Variants in ZNF92 observed in about 807,000 individuals in gnomAD.
ZNF92 encodes the protein zinc finger protein 92, also known as epididymis luminal protein 203.
Under a neutral mutation model 12.4 loss-of-function variants are expected in ZNF92, and 11 were observed. The observed-to-expected ratio is 0.89, with a 90% CI of 0.56 to 1.47. ZNF92 has a LOEUF of 1.47. ZNF92 is among the 40% of genes most tolerant of loss of function. The probability of loss-of-function intolerance (pLI) is 0.00; values close to 1 mark genes in which losing one functional copy is unlikely to be tolerated. For synonymous variants in ZNF92, 206 were observed against 228.6 expected (o/e 0.90, Z 0.89); for missense variants, 622 against 681.0 (o/e 0.91, Z 0.96).
chr7:65,394,801 G>A (rs1584289313), intron 3 of ZNF92, among the ~76,000 whole-genome samples: 1 of 151,778 alleles, frequency 6.6e-6, no homozygotes, highest in Non-Finnish European at 1.5e-5. Flanking sequence ...CTGACTCCAC[G>A]CCCAGCTAAT....
intron 1 of ZNF92, among the ~76,000 whole-genome samples, chr7:65,382,431 T>C (rs1793446216): frequency 6.6e-6 from 1 of 152,074 alleles, no homozygotes; most frequent in Non-Finnish European, 1.5e-5. Context: ...TGGGCCTTTT[T>C]GTCTCAGGCT....
At chr7:65,397,792 C>T (rs1793880818) in intron 3 of ZNF92, among the ~76,000 whole-genome samples, 1 of 150,960 alleles carries the variant, frequency 6.6e-6, no homozygotes, top group Non-Finnish European at 1.5e-5. Flanking sequence ...AGTTGCTACA[C>T]GTGTTCGCTG....
Position 65,398,592 on chromosome 7 carries a change from G to A in ZNF92, c.478G>A (p.Val160Ile), listed in dbSNP as rs762524678. Residue 160 changes from valine (V) to isoleucine (I), a missense_variant, in exon 4 of 4, where the codon GTA becomes ATA. Physicochemically the swap from Val to Ile is conservative, Grantham distance 29. Coordinates refer to ENST00000328747, the MANE Select transcript of ZNF92 (RefSeq NM_152626.4). ...GAAAGTCTTTCATAAATTTCCAAAT[G>A]TAAATAGAAATAAGATAAGACATAC... ...YVKVFHKFPN[V>I]NRNKIRHTGK... 5 of 1,607,996 alleles carry A rather than the reference G, an allele frequency of 3.1e-6. No homozygotes were observed.
intron 1 of ZNF92, among the ~76,000 whole-genome samples, chr7:65,387,087 G>C (rs890064987): frequency 3.3e-5 from 5 of 151,402 alleles, no homozygotes; most frequent in African/African-American, 9.7e-5. Flanking sequence ...TTACAGGCAC[G>C]CGCCACCATG....
chr7:65,396,715 A>G (rs1055043741), intron 3 of ZNF92, among the ~76,000 whole-genome samples: 1 of 152,022 alleles, frequency 6.6e-6, no homozygotes, highest in Non-Finnish European at 1.5e-5. Context: ...ATGTCTCACT[A>G]TGTTGCTCAG....
intron 1 of ZNF92, among the ~76,000 whole-genome samples, chr7:65,383,564 G>C (rs978160458): frequency 6.6e-6 from 1 of 152,140 alleles, no homozygotes; most frequent in Admixed American, 6.6e-5. Flanking sequence ...TGTTACGTGA[G>C]AGGTGCCAGG....
intron 1 of ZNF92, among the ~76,000 whole-genome samples, chr7:65,383,525 T>G (rs1254034785): frequency 6.6e-6 from 1 of 151,984 alleles, no homozygotes; most frequent in Non-Finnish European, 1.5e-5. Flanking sequence ...CTATTTGAGC[T>G]TTTCAGATCT....
At chr7:65,383,716 G>T (rs895090463) in intron 1 of ZNF92, among the ~76,000 whole-genome samples, 9 of 151,958 alleles carry the variant, frequency 5.9e-5, no homozygotes. Flanking sequence ...GAGTATTCTT[G>T]TCCTTTCTCT....
chr7:65,387,238 A>G (rs1019927354), intron 1 of ZNF92, among the ~76,000 whole-genome samples: 4 of 150,672 alleles, frequency 2.7e-5, no homozygotes, highest in Non-Finnish European at 5.9e-5. Context: ...CACTGGGCCC[A>G]GCCAGTTATT....
In ZNF92 at chr7:65,398,987, C is replaced by T. The variant is rs776733473; in HGVS notation, c.873C>T (p.Gly291=). ...AACCCTACAAATGTGAAGAATGTGG[C>T]AAGGCCTTTAACCAGTTCTCGATTC... is the stretch of plus-strand genomic sequence containing the variant. ...EEKPYKCEEC[G]KAFNQFSILN... Residue 291 remains glycine, a synonymous_variant, in exon 4 of 4, where the codon GGC becomes GGT. Transcript: ENST00000328747. The T allele has an allele frequency of 8.1e-6, 13 of 1,613,300 alleles. No individual in the cohort carries two copies. Among genetic ancestry groups the T allele is most frequent in the South Asian group, 5.5e-5 (5 of 91,032 alleles).
chr7:65,376,268 A>AT lies in ZNF92; in HGVS notation c.3+2277dup, dbSNP rs200982110. Among the ~76,000 whole-genome samples, 119 of 151,464 alleles carry AT rather than the reference A, an allele frequency of 7.9e-4. 1 individual carries two copies. The East Asian group carries it at 8.2e-3, about 10-fold the overall frequency. On this transcript the variant is annotated intron_variant, in intron 1 of 3. Transcript: ENST00000328747. ...TTCCTGGGTTTGTCACCTTGAAAAT[A>AT]TTTTTTTTTACTTATTTTGACTTTC...
chr7:65,391,010 G>C (rs534771858), intron 3 of ZNF92, among the ~76,000 whole-genome samples: 4 of 152,000 alleles, frequency 2.6e-5, no homozygotes, highest in Admixed American at 6.6e-5. Flanking sequence ...CCAAGAACAG[G>C]AGTCCTTTAG....
rs1476418243 is a variant in ZNF92, at chr7:65,398,469, A to G, written c.355A>G (p.Ser119Gly). Residue 119 changes from serine (S) to glycine (G), a missense_variant, in exon 4 of 4, where the codon AGT becomes GGT. Transcript: ENST00000328747. ...TTTACAGCTAAGAAAAGACCATAAAAGTGTGGATGCATGTAAGGTGTACAA... is the reference window on the plus strand; with the variant it reads ...TTTACAGCTAAGAAAAGACCATAAAGGTGTGGATGCATGTAAGGTGTACAA... ...ENLQLRKDHK[S>G]VDACKVYKGG... 6.2e-7 allele frequency: 1 copy of G among 1,613,298 alleles called. No homozygotes were observed.
At position 65,383,898 on chromosome 7, in the gene ZNF92, T is replaced by C. The variant is rs1406194395; in HGVS notation, c.4-4004T>C. ...CAATCACCTAGGCATCTTTGAAACA[T>C]TTGAGGATGTCCAGAGTAAAACTGT... On this transcript the variant is annotated intron_variant, in intron 1 of 3. Coordinates refer to ENST00000328747, the MANE Select transcript of ZNF92 (RefSeq NM_152626.4). Among the ~76,000 whole-genome samples, 4 of 152,062 alleles carry C rather than the reference T, an allele frequency of 2.6e-5. No homozygotes were observed. In the South Asian group the frequency reaches 8.3e-4, roughly 32 times the overall value.
intron 3 of ZNF92, among the ~76,000 whole-genome samples, chr7:65,390,909 G>T (rs1306226021): frequency 6.6e-6 from 1 of 152,154 alleles, no homozygotes; most frequent in Non-Finnish European, 1.5e-5. Context: ...ACCTTTTCCA[G>T]ACTGTGGCTG....
chr7:65,382,191 G>A (rs572656263), intron 1 of ZNF92, among the ~76,000 whole-genome samples: 4 of 152,004 alleles, frequency 2.6e-5, no homozygotes, highest in Non-Finnish European at 2.9e-5. Flanking sequence ...TTCTACTTAT[G>A]GACTAATTAT....
chr7:65,379,032 G>A (rs997309461), intron 1 of ZNF92, among the ~76,000 whole-genome samples: 5 of 151,404 alleles, frequency 3.3e-5, no homozygotes, highest in Non-Finnish European at 2.9e-5. Flanking sequence ...CTTTTCCCGG[G>A]TTGTATCATT....
At chr7:65,390,757 A>G (rs1793690210) in intron 3 of ZNF92, among the ~76,000 whole-genome samples, 1 of 151,990 alleles carries the variant, frequency 6.6e-6, no homozygotes, top group African/African-American at 2.4e-5. Context: ...TGTAGATATA[A>G]CTGGCCATAA....
intron 1 of ZNF92, among the ~76,000 whole-genome samples, chr7:65,380,756 G>A (rs574520208): frequency 1.3e-5 from 2 of 152,152 alleles, no homozygotes; most frequent in South Asian, 4.1e-4. Context: ...TTTTAGTTTT[G>A]TGAGGAATTG....
Sources: gnomAD v4.1 joint callset for allele counts (sites outside exome capture counted in the v4.1 genomes callset) on GRCh38, gnomAD v4.1.1 for gene constraint, MANE v1.5 for transcripts, NCBI Gene and HGNC (gene_info 2026-07-23, HGNC 2026-07-21) for gene names.